The following ADAM10 variants were observed in gnomAD, a reference collection of about 807,000 sequenced individuals.
ADAM10 encodes the protein ADAM metallopeptidase domain 10.
In ADAM10, 17 loss-of-function variants were observed where a neutral mutation model predicts 90.1. The ratio of observed to expected loss-of-function variants is 0.19; its 90% CI spans 0.13 to 0.28. ADAM10 has a LOEUF of 0.28. Ranked by LOEUF, ADAM10 falls within the 10% of genes least tolerant of loss-of-function variation. The pLI is 1.00. For synonymous variants in ADAM10, 310 were observed against 298.6 expected (o/e 1.04, Z -0.40); for missense variants, 610 against 914.3 (o/e 0.67, Z 4.29).
At chr15:58,648,379 T>C (rs967984360) in intron 5 of ADAM10, among the ~76,000 whole-genome samples, 1 of 152,190 alleles carries the variant, frequency 6.6e-6, no homozygotes, top group Non-Finnish European at 1.5e-5. Context: ...GTATTTCAAA[T>C]CCATGTTATT....
At chr15:58,654,433 A>T (rs980640159) in intron 5 of ADAM10, among the ~76,000 whole-genome samples, 1 of 152,160 alleles carries the variant, frequency 6.6e-6, no homozygotes, top group Non-Finnish European at 1.5e-5. Flanking sequence ...AGGCTGCAGT[A>T]AAGTGGCACA....
chr15:58,682,399 CA>C (rs1897466007), intron 2 of ADAM10, 85 bp from the exon 3 acceptor site: 2 of 1,524,866 alleles, frequency 1.3e-6, no homozygotes, highest in African/African-American at 2.8e-5. Context: ...AAAAAGTCTA[CA>C]AAATGTGGAC....
intron 1 of ADAM10, among the ~76,000 whole-genome samples, chr15:58,749,234 G>C (rs1899895300): frequency 6.6e-6 from 1 of 152,188 alleles, no homozygotes; most frequent in South Asian, 2.1e-4. Flanking sequence ...TCCCGGGGCC[G>C]CCAGGGCGGT....
chr15:58,707,116 C>T (rs1407143330), intron 2 of ADAM10, among the ~76,000 whole-genome samples: 1 of 150,576 alleles, frequency 6.6e-6, no homozygotes, highest in Non-Finnish European at 1.5e-5. Context: ...GGCACAGTAG[C>T]TCACGCCTGT....
At chr15:58,651,560 TC>T (rs1433963139) in intron 5 of ADAM10, among the ~76,000 whole-genome samples, 1 of 152,198 alleles carries the variant, frequency 6.6e-6, no homozygotes, top group Non-Finnish European at 1.5e-5. Context: ...GACCTCCAGT[TC>T]CATCCATGTT....
chr15:58,722,012 G>C (rs533437584), intron 1 of ADAM10, among the ~76,000 whole-genome samples: 2 of 151,888 alleles, frequency 1.3e-5, no homozygotes, highest in Non-Finnish European at 2.9e-5. Context: ...TGGGTGACAA[G>C]AGCAAAACTC....
chr15:58,691,004 G>T, intron 2 of ADAM10: 1 of 499,122 alleles, frequency 2.0e-6, no homozygotes, highest in South Asian at 1.7e-5. Context: ...CAATGGGGTG[G>T]TTGGGGTTGA....
intron 4 of ADAM10, among the ~76,000 whole-genome samples, chr15:58,676,616 T>A (rs1454285357): frequency 6.6e-6 from 1 of 152,152 alleles, no homozygotes; most frequent in Non-Finnish European, 1.5e-5. Flanking sequence ...ATATGAAATA[T>A]ATATGAAATT....
chr15:58,726,523 C>T (rs1899032727), intron 1 of ADAM10, among the ~76,000 whole-genome samples: 2 of 129,224 alleles, frequency 1.5e-5, no homozygotes. Flanking sequence ...CGAGATCGCG[C>T]CACTACACTC....
chr15:58,669,880 C>T (rs551150373), intron 4 of ADAM10, among the ~76,000 whole-genome samples: 1 of 152,176 alleles, frequency 6.6e-6, no homozygotes, highest in South Asian at 2.1e-4. Flanking sequence ...TTAAAGAGTA[C>T]ATAATGTATA....
intron 2 of ADAM10, among the ~76,000 whole-genome samples, chr15:58,695,317 C>A (rs982018916): frequency 6.6e-6 from 1 of 152,162 alleles, no homozygotes; most frequent in African/African-American, 2.4e-5. Flanking sequence ...AATAGACTCT[C>A]CTGAACAAAC....
At chr15:58,623,102 C>A (rs190003421) in intron 10 of ADAM10, among the ~76,000 whole-genome samples, 1 of 152,180 alleles carries the variant, frequency 6.6e-6, no homozygotes, top group Non-Finnish European at 1.5e-5. Context: ...CATCTCAACA[C>A]AGGAAACCCA....
At chr15:58,729,296 G>T (rs1182132001) in intron 1 of ADAM10, among the ~76,000 whole-genome samples, 1 of 152,216 alleles carries the variant, frequency 6.6e-6, no homozygotes, top group South Asian at 2.1e-4. Context: ...TGGAAATTGT[G>T]TTTATGGATG....
chr15:58,605,125 G>C (rs752506677), intron 14 of ADAM10, among the ~76,000 whole-genome samples: 1 of 152,154 alleles, frequency 6.6e-6, no homozygotes, highest in African/African-American at 2.4e-5. Flanking sequence ...ATTTAGTAGT[G>C]GTTAAAACTG....
At chr15:58,610,665 TA>T in intron 13 of ADAM10, 148 bp from the exon 14 acceptor site, 2 of 786,872 alleles carry the variant, frequency 2.5e-6, no homozygotes, top group Non-Finnish European at 4.3e-6. Flanking sequence ...TTAGGCTGGG[TA>T]ACGCCATCAG....
intron 1 of ADAM10, among the ~76,000 whole-genome samples, chr15:58,723,518 G>C (rs971710409): frequency 6.6e-6 from 1 of 151,762 alleles, no homozygotes; most frequent in Admixed American, 6.6e-5. Flanking sequence ...TGAAACCATA[G>C]TGAAACCCAT....
chr15:58,629,552 A>ACTCT (rs1896042162), intron 9 of ADAM10: 1 of 152,228 alleles, frequency 6.6e-6, no homozygotes, highest in Admixed American at 6.5e-5. Flanking sequence ...GTTCAAATCA[A>ACTCT]GAGAAGCGTT....
intron 2 of ADAM10, among the ~76,000 whole-genome samples, chr15:58,696,404 G>C (rs144650202): frequency 0.01 from 1,544 of 151,354 alleles, 24 homozygotes; most frequent in African/African-American, 0.035. Context: ...GAAAACAGAA[G>C]TTAAGAACAC....
intron 5 of ADAM10, among the ~76,000 whole-genome samples, chr15:58,656,988 T>C (rs2140716154): frequency 6.6e-6 from 1 of 152,328 alleles, no homozygotes; most frequent in South Asian, 2.1e-4. Context: ...AAAAATTTTT[T>C]CCTTCAGCAC....
Sources: allele counts gnomAD v4.1 joint callset (sites outside exome capture counted in the v4.1 genomes callset), GRCh38; gene constraint gnomAD v4.1.1; transcripts MANE v1.5; gene names NCBI Gene and HGNC (gene_info 2026-07-23, HGNC 2026-07-21).